Variants in SLC25A21 observed in about 807,000 individuals in gnomAD.
SLC25A21 encodes the protein mitochondrial 2-oxodicarboxylate carrier.
In SLC25A21, 47 loss-of-function variants were observed where a neutral mutation model predicts 43.8. The ratio of observed to expected loss-of-function variants is 1.07; its 90% CI spans 0.85 to 1.37. The LOEUF (loss-of-function observed/expected upper bound fraction) is 1.37. SLC25A21 is among the 40% of genes most tolerant of loss of function. SLC25A21 has a pLI of 0.00. For synonymous variants in SLC25A21, 131 were observed against 121.3 expected, an observed-to-expected ratio of 1.08 and a Z score of -0.52; for missense variants, 352 against 350.2, an observed-to-expected ratio of 1.00 and a Z score of -0.04.
intron 2 of SLC25A21, among the ~76,000 whole-genome samples, chr14:36,842,201 T>G (rs533312461): frequency 4.7e-4 from 72 of 152,348 alleles, no homozygotes; most frequent in African/African-American, 1.6e-3. Context: ...GATTCTTAAT[T>G]GCTTTCCAAT....
chr14:36,772,795 T>C (rs1188204906), intron 3 of SLC25A21, among the ~76,000 whole-genome samples: 1 of 152,228 alleles, frequency 6.6e-6, no homozygotes, highest in Non-Finnish European at 1.5e-5. Context: ...CTCTGGCAGT[T>C]CAGTGTTACA....
intron 1 of SLC25A21, among the ~76,000 whole-genome samples, chr14:36,900,054 A>C (rs1891356815): frequency 6.6e-6 from 1 of 151,992 alleles, no homozygotes; most frequent in African/African-American, 2.4e-5. Context: ...CTCATAAATG[A>C]ACTGACGGAA....
chr14:36,707,654 T>C (rs1883636022), intron 7 of SLC25A21, among the ~76,000 whole-genome samples: 1 of 152,216 alleles, frequency 6.6e-6, no homozygotes, highest in Non-Finnish European at 1.5e-5. Context: ...GCTTGGAGGC[T>C]AAAGCTTGGA....
chr14:37,037,907 G>T (rs1412160760), intron 1 of SLC25A21, among the ~76,000 whole-genome samples: 3 of 152,152 alleles, frequency 2.0e-5, no homozygotes, highest in Non-Finnish European at 4.4e-5. Flanking sequence ...AATCGCTTGG[G>T]AAAATGGTTC....
intron 1 of SLC25A21, among the ~76,000 whole-genome samples, chr14:37,034,197 T>C (rs1961278486): frequency 6.6e-6 from 1 of 152,126 alleles, no homozygotes; most frequent in South Asian, 2.1e-4. Flanking sequence ...TTTGTATTTT[T>C]AGTAGAGACA....
Position 37,034,447 on chromosome 14 carries a change from T to C in SLC25A21, c.70+137834A>G, listed in dbSNP as rs955545671. ...CACTTGGGCACTGAGAAACCTCTGCTATCTTATCTGGATCCACTTTTGTAC... is the reference window on the plus strand; with the variant it reads ...CACTTGGGCACTGAGAAACCTCTGCCATCTTATCTGGATCCACTTTTGTAC... On this transcript the variant is annotated intron_variant, in intron 1 of 9. Transcript: ENST00000331299. Among the ~76,000 whole-genome samples the C allele has an allele frequency of 2.6e-5, 4 of 152,364 alleles. No homozygotes were observed. In the South Asian group the frequency reaches 6.2e-4, roughly 24 times the overall value.
At chr14:36,695,241 G>A (rs1166079960) in intron 7 of SLC25A21, among the ~76,000 whole-genome samples, 2 of 152,124 alleles carry the variant, frequency 1.3e-5, no homozygotes, top group Non-Finnish European at 2.9e-5. Flanking sequence ...TGTTATTTCT[G>A]AGGCCTCTGT....
chr14:36,839,324 T>C (rs1302604936), intron 2 of SLC25A21, among the ~76,000 whole-genome samples: 1 of 152,210 alleles, frequency 6.6e-6, no homozygotes. Flanking sequence ...ATTCATTCAA[T>C]ATCTACTATA....
chr14:36,685,692 C>T (rs1203048777), intron 7 of SLC25A21, among the ~76,000 whole-genome samples: 3 of 152,146 alleles, frequency 2.0e-5, no homozygotes, highest in Non-Finnish European at 4.4e-5. Context: ...AGGCCCTTCA[C>T]GTTGGTCTGA....
At chr14:37,133,586 G>T (rs1296619978) in intron 1 of SLC25A21, among the ~76,000 whole-genome samples, 1 of 150,062 alleles carries the variant, frequency 6.7e-6, no homozygotes, top group African/African-American at 2.5e-5. Context: ...CCCCTAAATA[G>T]AATCTACACA....
At chr14:36,735,771 C>T (rs1472269495) in intron 3 of SLC25A21, among the ~76,000 whole-genome samples, 1 of 150,590 alleles carries the variant, frequency 6.6e-6, no homozygotes, top group Non-Finnish European at 1.5e-5. Context: ...TACATAGAAA[C>T]TTGAGGGCAG....
At chr14:36,872,029 T>C (rs1890388605) in intron 2 of SLC25A21, among the ~76,000 whole-genome samples, 3 of 152,158 alleles carry the variant, frequency 2.0e-5, no homozygotes, top group South Asian at 4.1e-4. Flanking sequence ...TTAAGAAAGA[T>C]AGGATTGTAT....
At chr14:36,889,348 G>A (rs1891015020) in intron 1 of SLC25A21, among the ~76,000 whole-genome samples, 1 of 152,188 alleles carries the variant, frequency 6.6e-6, no homozygotes, top group African/African-American at 2.4e-5. Flanking sequence ...ATAAGTGCCA[G>A]CTGAAGAACA....
At chr14:36,820,281 A>C (rs1227967487) in intron 2 of SLC25A21, among the ~76,000 whole-genome samples, 2 of 152,118 alleles carry the variant, frequency 1.3e-5, no homozygotes, top group African/African-American at 4.8e-5. Context: ...TGTGACTTTT[A>C]CTTTAATGTG....
intron 3 of SLC25A21, among the ~76,000 whole-genome samples, chr14:36,746,464 GA>G (rs1357492258): frequency 6.6e-6 from 1 of 152,132 alleles, no homozygotes. Flanking sequence ...GAGGATGGGA[GA>G]GGGGTGAGGA....
chr14:36,709,527 TA>T (rs1451376384), intron 7 of SLC25A21, among the ~76,000 whole-genome samples: 1 of 152,136 alleles, frequency 6.6e-6, no homozygotes, highest in African/African-American at 2.4e-5. Flanking sequence ...TGTCAGTCAC[TA>T]GGGGGGTCTA....
intron 1 of SLC25A21, among the ~76,000 whole-genome samples, chr14:36,907,942 T>C (rs942361369): frequency 1.3e-5 from 2 of 152,222 alleles, no homozygotes; most frequent in African/African-American, 4.8e-5. Context: ...TATTCACACT[T>C]TGTAATTGCA....
chr14:37,018,753 G>C (rs766528174), intron 1 of SLC25A21, among the ~76,000 whole-genome samples: 2 of 150,510 alleles, frequency 1.3e-5, no homozygotes, highest in East Asian at 2.0e-4. Context: ...TAAGTGCGTG[G>C]CTTCCCTTTG....
intron 1 of SLC25A21, among the ~76,000 whole-genome samples, chr14:37,141,263 T>C (rs1344114410): frequency 6.6e-6 from 1 of 152,188 alleles, no homozygotes; most frequent in African/African-American, 2.4e-5. Context: ...TCTCAAACTT[T>C]AGCCTTCCCA....
Sources: gnomAD v4.1 joint callset for allele counts (sites outside exome capture counted in the v4.1 genomes callset) on GRCh38, gnomAD v4.1.1 for gene constraint, MANE v1.5 for transcripts, NCBI Gene and HGNC (gene_info 2026-07-23, HGNC 2026-07-21) for gene names.